The following CTNNA2 variants were observed in gnomAD, a reference collection of about 807,000 sequenced individuals.
CTNNA2 encodes the protein catenin alpha-2.
In CTNNA2, 42 loss-of-function variants were observed where a neutral mutation model predicts 101.0. The ratio of observed to expected loss-of-function variants is 0.42; its 90% CI spans 0.32 to 0.54. The LOEUF (loss-of-function observed/expected upper bound fraction) is 0.54. CTNNA2 is among the 20% of genes least tolerant of loss of function. The pLI is 0.14. For missense variants in CTNNA2, 871 were observed against 1,223.1 expected (o/e 0.71, Z 4.29); for synonymous variants, 450 against 456.4 (o/e 0.99, Z 0.18).
intron 2 of CTNNA2, among the ~76,000 whole-genome samples, chr2:79,712,246 CA>C (rs1478415703): frequency 6.6e-6 from 1 of 152,106 alleles, no homozygotes; most frequent in African/African-American, 2.4e-5. Flanking sequence ...TTTGGAGAGT[CA>C]AAAGATTTAT....
chr2:79,694,897 G>A (rs1402751465), intron 2 of CTNNA2, among the ~76,000 whole-genome samples: 4 of 151,782 alleles, frequency 2.6e-5, no homozygotes, highest in Non-Finnish European at 5.9e-5. Context: ...TGAATTCTTC[G>A]GTGATTCATG....
At chr2:79,343,723 GATTATTATTATTATT>G (rs71385268) in intron 3 of CTNNA2, among the ~76,000 whole-genome samples, 3 of 147,946 alleles carry the variant, frequency 2.0e-5, no homozygotes, top group Admixed American at 6.8e-5. Flanking sequence ...AGACACGGAC[GATTATTATTATTATT>G]ATTATTATTA....
chr2:79,746,992 C>T (rs1394088092), intron 3 of CTNNA2, among the ~76,000 whole-genome samples: 6 of 152,114 alleles, frequency 3.9e-5, no homozygotes, highest in Non-Finnish European at 7.4e-5. Flanking sequence ...TCCAATTCTT[C>T]TTGCAAACCT....
At chr2:80,189,185 C>T (rs561809105) in intron 7 of CTNNA2, among the ~76,000 whole-genome samples, 1 of 152,024 alleles carries the variant, frequency 6.6e-6, no homozygotes, top group South Asian at 2.1e-4. Context: ...AACTCCTGGC[C>T]TCAGGTGATC....
At chr2:80,563,414 A>T (rs1693779059) in intron 12 of CTNNA2, among the ~76,000 whole-genome samples, 1 of 152,212 alleles carries the variant, frequency 6.6e-6, no homozygotes, top group Non-Finnish European at 1.5e-5. Flanking sequence ...GTATTCCAGA[A>T]ATAGTTTTGG....
At chr2:79,713,944 T>C (rs1197374127) in intron 2 of CTNNA2, among the ~76,000 whole-genome samples, 2 of 152,178 alleles carry the variant, frequency 1.3e-5, no homozygotes, top group African/African-American at 4.8e-5. Context: ...CTTGCCTGAA[T>C]TTACTCATAT....
chr2:79,511,352 C>A (rs1671534433), upstream of CTNNA2, among the ~76,000 whole-genome samples: 1 of 152,150 alleles, frequency 6.6e-6, no homozygotes, highest in African/African-American at 2.4e-5. Flanking sequence ...TCCTTCCTAC[C>A]TACTCCAGTC....
chr2:80,357,742 C>T (rs527887510), intron 7 of CTNNA2, among the ~76,000 whole-genome samples: 1 of 152,108 alleles, frequency 6.6e-6, no homozygotes, highest in Non-Finnish European at 1.5e-5. Flanking sequence ...GGTCAGGGTT[C>T]CTGGTTCCAA....
chr2:80,631,144 A>G (rs1019673398), intron 18 of CTNNA2, among the ~76,000 whole-genome samples: 1 of 152,202 alleles, frequency 6.6e-6, no homozygotes, highest in African/African-American at 2.4e-5. Flanking sequence ...AGGGACTCTA[A>G]GATAGCAATT....
intron 7 of CTNNA2, among the ~76,000 whole-genome samples, chr2:80,341,059 A>C (rs1374999785): frequency 6.6e-6 from 1 of 152,318 alleles, no homozygotes; most frequent in Non-Finnish European, 1.5e-5. Context: ...TCCTGAATAC[A>C]GGATCTTCTG....
chr2:79,337,811 A>G (rs1169258825), intron 3 of CTNNA2, among the ~76,000 whole-genome samples: 2 of 152,168 alleles, frequency 1.3e-5, no homozygotes, highest in Non-Finnish European at 1.5e-5. Flanking sequence ...CAAAAAAAAA[A>G]GATCACATTA....
At chr2:80,214,430 T>G (rs564677032) in intron 7 of CTNNA2, among the ~76,000 whole-genome samples, 2 of 152,274 alleles carry the variant, frequency 1.3e-5, no homozygotes, top group Admixed American at 1.3e-4. Context: ...TCTCTCAGCA[T>G]TTGCTTGTCT....
intron 7 of CTNNA2, among the ~76,000 whole-genome samples, chr2:80,164,319 A>C (rs1326535158): frequency 6.6e-6 from 1 of 151,764 alleles, no homozygotes; most frequent in African/African-American, 2.4e-5. Flanking sequence ...ATCTCTTGGC[A>C]TAGCCTTTTT....
At chr2:79,349,879 G>A (rs892025430) in intron 3 of CTNNA2, among the ~76,000 whole-genome samples, 1 of 151,658 alleles carries the variant, frequency 6.6e-6, no homozygotes, top group Non-Finnish European at 1.5e-5. Context: ...TTTAAAAATT[G>A]AGGTCAAGTT....
intron 4 of CTNNA2, among the ~76,000 whole-genome samples, chr2:79,410,611 T>A (rs889438499): frequency 6.6e-6 from 1 of 152,052 alleles, no homozygotes; most frequent in African/African-American, 2.4e-5. Context: ...TTTATTGATT[T>A]GTGTATATTG....
chr2:80,349,150 T>C (rs1459072106), intron 7 of CTNNA2, among the ~76,000 whole-genome samples: 1 of 152,124 alleles, frequency 6.6e-6, no homozygotes. Context: ...TCCCTGACTG[T>C]TCTCATTGCC....
intron 9 of CTNNA2, among the ~76,000 whole-genome samples, chr2:80,496,672 G>A (rs1687501374): frequency 6.6e-6 from 1 of 152,084 alleles, no homozygotes. Flanking sequence ...AGTAACTACT[G>A]TAATTTTATT....
intron 2 of CTNNA2, among the ~76,000 whole-genome samples, chr2:79,235,815 A>T (rs1282473538): frequency 6.6e-6 from 1 of 152,160 alleles, no homozygotes; most frequent in Non-Finnish European, 1.5e-5. Flanking sequence ...GTTCAGACAG[A>T]AGCAGGACAG....
chr2:79,338,949 T>C (rs1677068353), intron 3 of CTNNA2, among the ~76,000 whole-genome samples: 1 of 152,100 alleles, frequency 6.6e-6, no homozygotes, highest in Non-Finnish European at 1.5e-5. Flanking sequence ...GGACAGGTCA[T>C]GAATTGGGCT....
Sources: gnomAD v4.1 joint callset for allele counts (sites outside exome capture counted in the v4.1 genomes callset) on GRCh38, gnomAD v4.1.1 for gene constraint, MANE v1.5 for transcripts, NCBI Gene and HGNC (gene_info 2026-07-23, HGNC 2026-07-21) for gene names.